The following ATG10 variants were observed in gnomAD, a reference collection of about 807,000 sequenced individuals.
ATG10 encodes the protein autophagy related 10, also known as ubiquitin-like-conjugating enzyme ATG10.
A neutral mutation model predicts 32.1 loss-of-function variants in ATG10; 30 were observed. The ratio of observed to expected loss-of-function variants is 0.94; its 90% confidence interval spans 0.70 to 1.27. The LOEUF is 1.27. Ranked by LOEUF, ATG10 falls within the 50% of genes most tolerant of loss-of-function variation. ATG10 has a pLI of 0.00. For missense variants in ATG10, 233 were observed against 262.3 expected (o/e 0.89, Z 0.77); for synonymous variants, 87 against 91.5 (o/e 0.95, Z 0.28).
intron 2 of ATG10, among the ~76,000 whole-genome samples, chr5:82,033,726 AC>A: frequency 1.1e-5 from 1 of 93,336 alleles, no homozygotes; most frequent in African/African-American, 3.9e-5. Context: ...TAAATACTAT[AC>A]AAACACACAC....
intron 2 of ATG10, among the ~76,000 whole-genome samples, chr5:81,998,653 G>A (rs1761739242): frequency 6.6e-6 from 1 of 152,112 alleles, no homozygotes; most frequent in Admixed American, 6.6e-5. Context: ...CATCTCACAT[G>A]CAGTGACATC....
chr5:82,135,999 T>C (rs1766724160), intron 3 of ATG10, among the ~76,000 whole-genome samples: 1 of 152,232 alleles, frequency 6.6e-6, no homozygotes, highest in Non-Finnish European at 1.5e-5. Flanking sequence ...TTTTGATCTT[T>C]GTTGGTTTAA....
chr5:81,988,029 G>A (rs1285727687), intron 2 of ATG10, among the ~76,000 whole-genome samples: 2 of 152,142 alleles, frequency 1.3e-5, no homozygotes, highest in African/African-American at 2.4e-5. Context: ...AACTACTTTC[G>A]TCTGGAGAGT....
chr5:82,083,884 A>G (rs1764574468), intron 3 of ATG10, among the ~76,000 whole-genome samples: 1 of 152,244 alleles, frequency 6.6e-6, no homozygotes, highest in Non-Finnish European at 1.5e-5. Flanking sequence ...AAACAAGAGC[A>G]GAAAAGCTGA....
chr5:82,174,703 A>G (rs1743942630), intron 4 of ATG10, among the ~76,000 whole-genome samples: 1 of 152,198 alleles, frequency 6.6e-6, no homozygotes, highest in African/African-American at 2.4e-5. Context: ...AATTTGCTGA[A>G]TAATCAGGTA....
intron 5 of ATG10, among the ~76,000 whole-genome samples, chr5:82,227,737 C>G (rs569905018): frequency 6.6e-6 from 1 of 152,260 alleles, no homozygotes; most frequent in Non-Finnish European, 1.5e-5. Context: ...GCTGTTGTGT[C>G]AGAGGTCTGT....
In ATG10 at chr5:82,161,302, T is replaced by C. The variant is rs145523629; in HGVS notation, c.217-3097T>C. 8.1e-3 allele frequency among the ~76,000 whole-genome samples: 1,238 copies of C among 152,238 alleles called. 11 individuals are homozygous for C. Among genetic ancestry groups the C allele is most frequent in the African/African-American group, 0.022 (908 of 41,544 alleles). ...TAATTAGAGGACAAATACCCCTGGC[T>C]TTCACAACCCACAAAGGCACTCAGC... On this transcript the variant is annotated intron_variant, in intron 3 of 7. Coordinates refer to ENST00000282185, the MANE Select transcript of ATG10 (RefSeq NM_031482.5).
intron 5 of ATG10, among the ~76,000 whole-genome samples, chr5:82,226,504 TA>T (rs1561367228): frequency 7.4e-4 from 113 of 152,328 alleles, no homozygotes; most frequent in African/African-American, 2.5e-3. Flanking sequence ...TTTGATACTT[TA>T]TTAAAAGTCC....
Position 82,178,549 on chromosome 5 carries a change from C to G in ATG10, c.415C>G (p.Arg139Gly). 2.5e-6 allele frequency: 4 copies of G among 1,611,916 alleles called. No individual in the cohort carries two copies. In the East Asian group the frequency reaches 6.7e-5, roughly 27 times the overall value. ...WEGVHECYKM[R>G]LLQGPWDTIT... Reference sequence around the variant, plus strand: ...AGGAGTTCATGAGTGCTATAAGATGCGACTGCTACAGGGACCATGGGACAC... The same window carrying G: ...AGGAGTTCATGAGTGCTATAAGATGGGACTGCTACAGGGACCATGGGACAC... Residue 139 changes from arginine (R) to glycine (G), a missense_variant, in exon 5 of 8, where the codon CGA becomes GGA. Arg to Gly is a moderately radical substitution (Grantham distance 125). Transcript: ENST00000282185.
chr5:81,983,662 C>T (rs1437786318), intron 1 of ATG10, among the ~76,000 whole-genome samples: 28 of 151,482 alleles, frequency 1.8e-4, no homozygotes, highest in Middle Eastern at 3.5e-3. Context: ...ACCTCCCTCC[C>T]GGACGGGGTG....
At chr5:81,993,572 T>G (rs954307524) in intron 2 of ATG10, among the ~76,000 whole-genome samples, 2 of 150,864 alleles carry the variant, frequency 1.3e-5, no homozygotes, top group African/African-American at 4.9e-5. Flanking sequence ...GGTTTACAGG[T>G]GCGCACCACC....
chr5:82,161,076 T>C (rs1044944102), intron 3 of ATG10, among the ~76,000 whole-genome samples: 42 of 152,216 alleles, frequency 2.8e-4, no homozygotes, highest in African/African-American at 1.0e-3. Flanking sequence ...AGAATATGTG[T>C]AGAAGTCTGA....
At chr5:82,037,728 A>C (rs1762976886) in intron 2 of ATG10, among the ~76,000 whole-genome samples, 1 of 152,122 alleles carries the variant, frequency 6.6e-6, no homozygotes, top group Non-Finnish European at 1.5e-5. Context: ...AAAATTTGAG[A>C]TTGAGTGTTG....
intron 1 of ATG10, among the ~76,000 whole-genome samples, chr5:81,986,597 G>A (rs77190010): frequency 6.6e-6 from 1 of 151,856 alleles, no homozygotes; most frequent in Admixed American, 6.6e-5. Flanking sequence ...AAATGACACT[G>A]GTTTAGGAAT....
intron 5 of ATG10, among the ~76,000 whole-genome samples, chr5:82,212,185 G>A (rs1745520868): frequency 6.6e-6 from 1 of 152,164 alleles, no homozygotes; most frequent in Non-Finnish European, 1.5e-5. Flanking sequence ...AATCAGAAGA[G>A]AGCCACCTTA....
intron 3 of ATG10, among the ~76,000 whole-genome samples, chr5:82,094,239 T>A (rs1263199752): frequency 6.6e-6 from 1 of 152,148 alleles, no homozygotes; most frequent in East Asian, 1.9e-4. Flanking sequence ...TGCCCATTTG[T>A]TGCTTGATGT....
chr5:82,147,502 A>T (rs926150220), intron 3 of ATG10: 4 of 152,226 alleles, frequency 2.6e-5, no homozygotes, highest in Admixed American at 1.3e-4. Flanking sequence ...ATTAAAAAAA[A>T]AATAATGTTG....
intron 3 of ATG10, among the ~76,000 whole-genome samples, chr5:82,096,765 C>T (rs1419321825): frequency 2.0e-5 from 3 of 152,302 alleles, no homozygotes; most frequent in Non-Finnish European, 4.4e-5. Context: ...ATCATGTAGA[C>T]TAATGCCCTT....
chr5:82,060,352 G>T (rs1279289045), intron 3 of ATG10, among the ~76,000 whole-genome samples: 1 of 151,868 alleles, frequency 6.6e-6, no homozygotes, highest in Non-Finnish European at 1.5e-5. Flanking sequence ...ATTTTTTGAT[G>T]CAATAATTTT....
Sources: allele counts gnomAD v4.1 joint callset (sites outside exome capture counted in the v4.1 genomes callset), GRCh38; gene constraint gnomAD v4.1.1; transcripts MANE v1.5; gene names NCBI Gene and HGNC (gene_info 2026-07-23, HGNC 2026-07-21).